The following P4HTM variants were observed in gnomAD, a reference collection of about 807,000 sequenced individuals.
P4HTM encodes prolyl 4-hydroxylase, transmembrane, also known as transmembrane prolyl 4-hydroxylase.
Under a neutral mutation model 55.3 loss-of-function variants are expected in P4HTM, and 33 were observed. The ratio of observed to expected loss-of-function variants is 0.60; its 90% CI spans 0.45 to 0.80. P4HTM has a LOEUF of 0.80. Among genes scored for constraint, P4HTM ranks in the 30% least tolerant of loss-of-function variants. The pLI, the probability that P4HTM is intolerant of heterozygous loss-of-function variation, is 0.00. For synonymous variants in P4HTM, 272 were observed against 286.4 expected (o/e 0.95, Z 0.51); for missense variants, 542 against 696.5 (o/e 0.78, Z 2.50).
intron 3 of P4HTM, 27 bp downstream of exon 3, chr3:49,001,655 T>C (rs756560920): frequency 1.9e-6 from 3 of 1,590,416 alleles, no homozygotes; most frequent in Non-Finnish European, 1.7e-6. Flanking sequence ...CTGAGTAGGC[T>C]CAGGGTGGGA....
rs145181429 is a variant in P4HTM at position 49,004,021 on chromosome 3, A to G, written c.725-77A>G. On this transcript the variant is annotated intron_variant, in intron 4 of 8. Transcript: ENST00000383729. ...CAGGGGCTGCTGCTGCCTTTGGGGTAGGTAGGGAAGTGCAGCCTGCCACTG... is the reference window on the plus strand; with the variant it reads ...CAGGGGCTGCTGCTGCCTTTGGGGTGGGTAGGGAAGTGCAGCCTGCCACTG... 4.1e-5 allele frequency: 57 copies of G among 1,390,466 alleles called. No homozygotes were observed. In the African/African-American group the frequency reaches 6.2e-4, roughly 15 times the overall value. 86.1% of individuals were successfully genotyped at this position (1,390,466 alleles called of 1,614,324 possible).
chr3:49,004,557 AG>A (rs1309494874), intron 5 of P4HTM: 4 of 552,014 alleles, frequency 7.2e-6, no homozygotes, highest in Non-Finnish European at 3.2e-6. Context: ...CAGCAGGAAA[AG>A]GGTTTTTAAA....
intron 3 of P4HTM, 42 bp downstream of exon 3, chr3:49,001,670 C>T: frequency 8.5e-6 from 13 of 1,537,210 alleles, no homozygotes; most frequent in Non-Finnish European, 1.2e-5. Flanking sequence ...GTGGGAGTGC[C>T]CAGAATCACC....
At position 48,990,686 on chromosome 3, in the gene P4HTM, C is replaced by T. The variant is rs1012490321; in HGVS notation, c.354+76C>T. On this transcript the variant is annotated intron_variant, in intron 1 of 8. Transcript: ENST00000383729. The surrounding 1 kb of genome is among the most constrained non-coding windows in gnomAD (Gnocchi z 7.2). The stretch of plus-strand genomic sequence containing the variant: ...GAGAGGACCGGCGCTCAGCCCGGGT[C>T]CCCACGCTGCCCCCGGCGCTGCTCT... 2 of 1,457,954 alleles carry T rather than the reference C, an allele frequency of 1.4e-6. No individual in the cohort carries two copies. The highest frequency in any genetic ancestry group is 1.8e-6 in the Non-Finnish European group (2 of 1,096,210). 90.3% of individuals were successfully genotyped at this position (1,457,954 alleles called of 1,614,324 possible).
In P4HTM at chr3:49,006,731, C is replaced by G. The variant is rs1022087445; in HGVS notation, c.1333C>G (p.Leu445Val). The stretch of plus-strand genomic sequence containing the variant: ...CGACTACTCGCTGCACGGGGGCTGC[C>G]TGGTCACGCGCGGCACCAAGTGGAT... Reference protein sequence around the residue: ...VDDYSLHGGCLVTRGTKWIAN... With the variant: ...VDDYSLHGGCVVTRGTKWIAN... Residue 445 changes from leucine to valine, a missense_variant, in exon 9 of 9, where the codon CTG becomes GTG. This residue lies in a region of P4HTM where 536 missense variants were observed against 672.1 expected (regional missense o/e 0.80). Coordinates refer to ENST00000383729, the MANE Select transcript of P4HTM (RefSeq NM_177939.3). 1.9e-6 allele frequency: 3 copies of G among 1,613,630 alleles called. No homozygotes were observed. The African/African-American group carries it at 4.0e-5, about 22-fold the overall frequency.
Position 49,001,467 on chromosome 3 carries a change from T to C in P4HTM, c.466T>C (p.Cys156Arg), listed in dbSNP as rs749445943. The change falls in exon 3 of 9, where the codon TGT becomes CGT. Residue 156 changes from cysteine (C) to arginine (R), a missense_variant. By Grantham distance (180) the Cys-to-Arg change is radical. Around this residue, in one of 2 missense-constraint regions of P4HTM, gnomAD observed 536 missense variants for 672.1 expected, o/e 0.80. Transcript: ENST00000383729. ...EIPGFLTDEE[C>R]RLIIHLAQMK... ...CCCCGGCTTCCTGACTGATGAAGAG[T>C]GTCGGCTCATCATCCATCTGGCGCA... The C allele has an allele frequency of 6.2e-7, 1 of 1,613,742 alleles. No individual in the cohort carries two copies. Among genetic ancestry groups the C allele is most frequent in the Admixed American group, 1.7e-5 (1 of 60,016 alleles).
Position 49,002,368 on chromosome 3 carries a change from A to T in P4HTM, c.628-132A>T. On this transcript the variant is annotated intron_variant, in intron 3 of 8. Transcript: ENST00000383729. The surrounding 1 kb of genome is among the most constrained non-coding windows in gnomAD (Gnocchi z 4.4). Reference sequence around the variant, plus strand: ...TTCTACCTGCACTCACTTTGGCCCAATGGGCTCTGCCCTGTGTCCTCATCC... The same window carrying T: ...TTCTACCTGCACTCACTTTGGCCCATTGGGCTCTGCCCTGTGTCCTCATCC... The T allele has an allele frequency of 1.4e-6, 1 of 714,728 alleles. No individual in the cohort carries two copies. The highest frequency in any genetic ancestry group is 2.5e-6 in the Non-Finnish European group (1 of 406,070). The allele number at this position is 714,728 out of a possible 1,614,324, so 44.3% of individuals were successfully genotyped here. A position where few individuals can be genotyped will look rare whatever the true frequency, so the allele number is the denominator to read the frequency against.
chr3:49,002,678 T>G lies in P4HTM; in HGVS notation c.724+82T>G. On this transcript the variant is annotated intron_variant, in intron 4 of 8. Coordinates refer to ENST00000383729, the MANE Select transcript of P4HTM (RefSeq NM_177939.3). The surrounding 1 kb of genome is among the most constrained non-coding windows in gnomAD (Gnocchi z 4.4). The stretch of plus-strand genomic sequence containing the variant: ...TGCACAATTTTGAAAACTTGGGCCC[T>G]TCCCCCACAGCCAGGCAGCCTCTCT... 1 of 1,046,318 alleles carries G rather than the reference T, an allele frequency of 9.6e-7. No homozygotes were observed. The highest frequency in any genetic ancestry group is 1.6e-5 in the African/African-American group (1 of 64,354). 64.8% of individuals were successfully genotyped at this position (1,046,318 alleles called of 1,614,324 possible). A position where few individuals can be genotyped will look rare whatever the true frequency, so the allele number is the denominator to read the frequency against.
At chr3:49,004,294 G>T in intron 5 of P4HTM, 34 bp downstream of exon 5, 1 of 1,524,686 alleles carries the variant, frequency 6.6e-7, no homozygotes, top group Non-Finnish European at 8.8e-7. Flanking sequence ...CTGGAGCAGG[G>T]GGAGAAGACT....
Position 49,002,477 on chromosome 3 carries a change from T to C in P4HTM, c.628-23T>C. The C allele has an allele frequency of 6.3e-7, 1 of 1,578,702 alleles. No individual in the cohort carries two copies. The highest frequency in any genetic ancestry group is 8.7e-7 in the Non-Finnish European group (1 of 1,147,974). On this transcript the variant is annotated intron_variant, in intron 3 of 8. Coordinates refer to ENST00000383729, the MANE Select transcript of P4HTM (RefSeq NM_177939.3). The surrounding 1 kb of genome is among the most constrained non-coding windows in gnomAD (Gnocchi z 4.4). ...GCTCTCCATCACTGGGGTCACCCAC[T>C]GAGGGACCCTCTTATGCTTTAGGTT... is the stretch of plus-strand genomic sequence containing the variant.
chr3:48,993,431 C>T (rs1160745973), intron 2 of P4HTM, among the ~76,000 whole-genome samples: 2 of 152,164 alleles, frequency 1.3e-5, no homozygotes, highest in African/African-American at 4.8e-5. Context: ...CTAACGACTA[C>T]TATGAACAGA....
intron 2 of P4HTM, among the ~76,000 whole-genome samples, chr3:48,998,972 C>T (rs2092953776): frequency 6.6e-6 from 1 of 152,144 alleles, no homozygotes; most frequent in Non-Finnish European, 1.5e-5. Context: ...TTCCAGCCCG[C>T]CTGCCCCCAA....
chr3:49,004,407 T>G (rs758070105), intron 5 of P4HTM, 147 bp downstream of exon 5: 18 of 855,488 alleles, frequency 2.1e-5, no homozygotes, highest in Non-Finnish European at 3.1e-5. Flanking sequence ...TGGGACCCAC[T>G]GAAAGACAGG....
chr3:49,005,111 C>T lies in P4HTM; in HGVS notation c.1073+65C>T, dbSNP rs1318794551. Reference sequence around the variant, plus strand: ...ACCAGGAACACCCATGACACAGGCACAGCCCTGCACTGTGGGCGTGCCCCT... The same window carrying T: ...ACCAGGAACACCCATGACACAGGCATAGCCCTGCACTGTGGGCGTGCCCCT... On this transcript the variant is annotated intron_variant, in intron 6 of 8. Transcript: ENST00000383729. The T allele has an allele frequency of 2.5e-6, 4 of 1,613,322 alleles. No homozygotes were observed. In the South Asian group the frequency reaches 4.4e-5, roughly 18 times the overall value.
rs2092963053 is a variant in P4HTM at position 49,002,230 on chromosome 3, C to T, written c.628-270C>T. ...GGACACAGGCCTGTCCTTCACTCTG[C>T]TTCCAACCAACAGTGCTCTCCATGA... is the stretch of plus-strand genomic sequence containing the variant. On this transcript the variant is annotated intron_variant, in intron 3 of 8. Coordinates refer to ENST00000383729, the MANE Select transcript of P4HTM (RefSeq NM_177939.3). This position sits in a 1 kb window ranked among gnomAD's most constrained non-coding sequence, Gnocchi z 4.4. Among the ~76,000 whole-genome samples the T allele has an allele frequency of 6.6e-6, 1 of 152,250 alleles. No homozygotes were observed. The highest frequency in any genetic ancestry group is 2.4e-5 in the African/African-American group (1 of 41,468).
chr3:48,991,130 T>A (rs1483377539), intron 2 of P4HTM: 1 of 551,692 alleles, frequency 1.8e-6, no homozygotes, highest in Non-Finnish European at 3.2e-6. Flanking sequence ...ATCACAGGGC[T>A]GGCAGGGTGA....
At chr3:48,998,249 G>A (rs1479253247) in intron 2 of P4HTM, 2 of 152,394 alleles carry the variant, frequency 1.3e-5, no homozygotes, top group Non-Finnish European at 2.9e-5. Flanking sequence ...CCAAGGGGAA[G>A]CGTCCACAAT....
chr3:48,998,738 T>G (rs2092953239), intron 2 of P4HTM, among the ~76,000 whole-genome samples: 1 of 152,130 alleles, frequency 6.6e-6, no homozygotes, highest in Non-Finnish European at 1.5e-5. Context: ...AGGGCTGGGG[T>G]TGGCAAACAG....
intron 4 of P4HTM, chr3:49,003,776 A>G (rs1034174230): frequency 2.0e-5 from 5 of 254,430 alleles, no homozygotes; most frequent in Non-Finnish European, 3.8e-5. Flanking sequence ...CTGGAAGGCC[A>G]GGGTCCTGGC....
Sources: gnomAD v4.1 joint callset for allele counts (sites outside exome capture counted in the v4.1 genomes callset) on GRCh38, gnomAD v4.1.1 for gene constraint, gnomAD v4.1.1 regional missense constraint, Gnocchi (gnomAD v3.1) non-coding constraint, MANE v1.5 for transcripts, NCBI Gene and HGNC (gene_info 2026-07-23, HGNC 2026-07-21) for gene names.